Variants in ADAMDEC1 observed in about 807,000 individuals in gnomAD.
The protein encoded by ADAMDEC1 is ADAM like decysin 1, also known as ADAM DEC1.
A neutral mutation model predicts 60.4 loss-of-function variants in ADAMDEC1; 62 were observed. That is an observed-to-expected ratio of 1.03 (90% CI 0.84 to 1.27). The LOEUF is 1.27. Ranked by LOEUF, ADAMDEC1 falls within the 50% of genes most tolerant of loss-of-function variation. The pLI is 0.00. For synonymous variants in ADAMDEC1, 210 were observed against 195.1 expected (o/e 1.08, Z -0.64); for missense variants, 595 against 565.0 (o/e 1.05, Z -0.54).
intron 12 of ADAMDEC1, 127 bp downstream of exon 12, chr8:24,402,219 T>A: frequency 1.2e-6 from 1 of 827,000 alleles, no homozygotes; most frequent in Admixed American, 3.4e-5. Context: ...TTTGTGCTTG[T>A]GTTTTTGCTA....
chr8:24,398,795 A>G (rs1250788768), intron 8 of ADAMDEC1, 79 bp from the exon 9 acceptor site: 5 of 1,410,080 alleles, frequency 3.5e-6, no homozygotes, highest in South Asian at 1.2e-5. Flanking sequence ...CACTTTATCT[A>G]TTACTTGTGG....
chr8:24,400,058 G>A (rs1817721594), intron 10 of ADAMDEC1, 112 bp from the exon 11 acceptor site: 2 of 851,148 alleles, frequency 2.3e-6, no homozygotes, highest in African/African-American at 3.4e-5. Flanking sequence ...ACAGTGACAG[G>A]GAAAGGAGCT....
chr8:24,395,644 T>C (rs1481195626), intron 4 of ADAMDEC1, 76 bp from the exon 5 acceptor site: 1 of 969,860 alleles, frequency 1.0e-6, no homozygotes, highest in Non-Finnish European at 1.6e-6. Flanking sequence ...ATTCTCATAG[T>C]TTATACATTA....
At chr8:24,402,533 C>G (rs1443196581) in intron 12 of ADAMDEC1, among the ~76,000 whole-genome samples, 4 of 151,986 alleles carry the variant, frequency 2.6e-5, no homozygotes, top group Non-Finnish European at 5.9e-5. Context: ...AAAATAATCA[C>G]AAAAATCTGT....
intron 1 of ADAMDEC1, among the ~76,000 whole-genome samples, chr8:24,386,352 C>A (rs549921135): frequency 6.6e-6 from 1 of 152,180 alleles, no homozygotes; most frequent in African/African-American, 2.4e-5. Flanking sequence ...TCATTTTTAA[C>A]AGTGCATGAA....
At position 24,397,264 on chromosome 8, in the gene ADAMDEC1, TC is replaced by T. The variant is rs770073048; in HGVS notation, c.441-3del. The T allele has an allele frequency of 6.2e-7, 1 of 1,608,000 alleles. No individual in the cohort carries two copies. The highest frequency in any genetic ancestry group is 2.2e-5 in the East Asian group (1 of 44,776). On this transcript the variant is annotated splice_polypyrimidine_tract_variant and splice_region_variant and intron_variant, in intron 5 of 13. Coordinates refer to ENST00000256412, the MANE Select transcript of ADAMDEC1 (RefSeq NM_014479.3). ...ATCCTGAAATATAAGTCTCTATATCTCCCAGAGGATACTTCACACATCATCA... is the reference window on the plus strand; with the variant it reads ...ATCCTGAAATATAAGTCTCTATATCTCCAGAGGATACTTCACACATCATCA...
intron 11 of ADAMDEC1, among the ~76,000 whole-genome samples, chr8:24,401,218 C>A (rs1817758426): frequency 6.6e-6 from 1 of 152,120 alleles, no homozygotes; most frequent in African/African-American, 2.4e-5. Context: ...AGGGCTCATT[C>A]TTTAAGATTT....
In ADAMDEC1 at chr8:24,398,544, T is replaced by C; in HGVS notation, c.755T>C (p.Leu252Pro). 6.3e-7 allele frequency: 1 copy of C among 1,599,752 alleles called. No homozygotes were observed. Among genetic ancestry groups the C allele is most frequent in the East Asian group, 2.2e-5 (1 of 44,686 alleles). Residue 252 changes from leucine to proline, a missense_variant, in exon 8 of 14, where the codon CTC becomes CCC. Transcript: ENST00000256412. Reference protein sequence around the residue: ...RSFVFDVMNLLNVIYNTIDVQ... With the variant: ...RSFVFDVMNLPNVIYNTIDVQ... ...TTTGTGTTTGATGTGATGAACCTAC[T>C]CAATGTGGTAAGACATTAGTCATGT...
chr8:24,392,701 C>A (rs1817477853), intron 2 of ADAMDEC1, among the ~76,000 whole-genome samples: 1 of 152,242 alleles, frequency 6.6e-6, no homozygotes, highest in Non-Finnish European at 1.5e-5. Flanking sequence ...AGCCTCACCA[C>A]CCCTTTTCTC....
intron 1 of ADAMDEC1, among the ~76,000 whole-genome samples, chr8:24,390,556 C>A (rs565418780): frequency 1.3e-5 from 2 of 152,164 alleles, no homozygotes; most frequent in African/African-American, 4.8e-5. Context: ...CCTGTCTCTA[C>A]TAAAAATACA....
intron 8 of ADAMDEC1, 80 bp from the exon 9 acceptor site, chr8:24,398,793 CT>C (rs1817681867): frequency 7.2e-7 from 1 of 1,389,470 alleles, no homozygotes; most frequent in African/African-American, 1.5e-5. Context: ...ATCACTTTAT[CT>C]ATTACTTGTG....
At chr8:24,398,345 T>A in intron 7 of ADAMDEC1, 135 bp from the exon 8 acceptor site, 2 of 579,874 alleles carry the variant, frequency 3.4e-6, no homozygotes, top group South Asian at 4.6e-5. Flanking sequence ...AGTCTTACAT[T>A]ATTTAATTAT....
chr8:24,403,247 C>T (rs1369963887), intron 12 of ADAMDEC1, among the ~76,000 whole-genome samples: 1 of 151,968 alleles, frequency 6.6e-6, no homozygotes, highest in Non-Finnish European at 1.5e-5. Context: ...TTCTAAATAA[C>T]TGTTTTCTTT....
intron 7 of ADAMDEC1, 89 bp from the exon 8 acceptor site, chr8:24,398,391 A>C (rs1051429387): frequency 1.3e-6 from 1 of 773,116 alleles, no homozygotes; most frequent in African/African-American, 1.8e-5. Flanking sequence ...GAAATTCATA[A>C]TTTTTCTTAA....
intron 1 of ADAMDEC1, among the ~76,000 whole-genome samples, chr8:24,385,635 C>T (rs538372704): frequency 6.6e-6 from 1 of 152,140 alleles, no homozygotes; most frequent in South Asian, 2.1e-4. Flanking sequence ...TTTTCTAAAA[C>T]ACACCATCCC....
In ADAMDEC1 at chr8:24,405,281, C is replaced by T. The variant is rs1456973717; in HGVS notation, c.1407-11C>T. On this transcript the variant is annotated splice_polypyrimidine_tract_variant and intron_variant, in intron 13 of 13. Transcript: ENST00000256412. The stretch of plus-strand genomic sequence containing the variant: ...ACCCTGGCTTCCAAATTTTATTTTT[C>T]CTTCAATCAGAGAGTGAATCCAAAA... 1 of 1,611,638 alleles carries T rather than the reference C, an allele frequency of 6.2e-7. No homozygotes were observed. Among genetic ancestry groups the T allele is most frequent in the Non-Finnish European group, 8.5e-7 (1 of 1,178,692 alleles).
intron 2 of ADAMDEC1, 76 bp downstream of exon 2, chr8:24,392,456 G>C (rs972712379): frequency 3.7e-6 from 4 of 1,071,380 alleles, no homozygotes; most frequent in Non-Finnish European, 5.5e-6. Flanking sequence ...ACTAACAGAA[G>C]TGATGTTACA....
chr8:24,397,550 T>C (rs1161218981), intron 6 of ADAMDEC1, 94 bp downstream of exon 6: 13 of 1,491,666 alleles, frequency 8.7e-6, no homozygotes, highest in Non-Finnish European at 1.2e-5. Context: ...AGTATGTGTA[T>C]GTGTCAAGCC....
rs775366102 is a variant in ADAMDEC1, at chr8:24,403,984, T to C, written c.1321-19T>C. ...AAAATGTTGAACCCACCTTTTTCCA[T>C]TGTGTGTGTGCTTTGAAGGAGTGTA... On this transcript the variant is annotated intron_variant, in intron 12 of 13. Transcript: ENST00000256412. The C allele has an allele frequency of 1.0e-5, 16 of 1,605,550 alleles. No homozygotes were observed. The highest frequency in any genetic ancestry group is 1.4e-5 in the Non-Finnish European group (16 of 1,174,354).
Sources: allele counts gnomAD v4.1 joint callset (sites outside exome capture counted in the v4.1 genomes callset), GRCh38; gene constraint gnomAD v4.1.1; transcripts MANE v1.5; gene names NCBI Gene and HGNC (gene_info 2026-07-23, HGNC 2026-07-21).